Variants in KANSL3 observed in about 807,000 individuals in gnomAD.
The protein encoded by KANSL3 is KAT8 regulatory NSL complex subunit 3, also known as NSL complex protein NSL3.
In KANSL3, 16 loss-of-function variants were observed where a neutral mutation model predicts 89.2. That is an observed-to-expected ratio of 0.18 (90% CI 0.12 to 0.27). The LOEUF (loss-of-function observed/expected upper bound fraction) is 0.27, where lower values mean the gene tolerates loss of function less well. Ranked by LOEUF, KANSL3 falls within the 10% of genes least tolerant of loss-of-function variation. The pLI, the probability that KANSL3 is intolerant of heterozygous loss-of-function variation, is 1.00. For missense variants in KANSL3, 879 were observed against 1,110.6 expected (o/e 0.79, Z 2.96); for synonymous variants, 385 against 419.7 (o/e 0.92, Z 1.01).
intron 3 of KANSL3, among the ~76,000 whole-genome samples, chr2:96,623,685 C>T (rs113451578): frequency 0.086 from 13,029 of 152,154 alleles, 891 homozygotes; most frequent in Non-Finnish European, 0.12. Flanking sequence ...GGGTTCTATC[C>T]CACCCTCTAA....
At chr2:96,629,679 C>A (rs746403891) in intron 3 of KANSL3, among the ~76,000 whole-genome samples, 11 of 152,296 alleles carry the variant, frequency 7.2e-5, no homozygotes, top group Non-Finnish European at 1.3e-4. Context: ...GCTTTTTCAA[C>A]CAAGGTGCAG....
chr2:96,590,403 C>T (rs1284040042), downstream of KANSL3, among the ~76,000 whole-genome samples: 1 of 151,956 alleles, frequency 6.6e-6, no homozygotes, highest in Non-Finnish European at 1.5e-5. Flanking sequence ...AGCAATCCTT[C>T]CATTTCAGCT....
intron 9 of KANSL3, among the ~76,000 whole-genome samples, chr2:96,611,710 C>T (rs916313442): frequency 1.2e-4 from 19 of 152,020 alleles, no homozygotes; most frequent in African/African-American, 3.4e-4. Context: ...GACAGACATA[C>T]AAATATATGT....
At chr2:96,596,332 G>A (rs1483471475) in intron 20 of KANSL3, among the ~76,000 whole-genome samples, 1 of 152,190 alleles carries the variant, frequency 6.6e-6, no homozygotes, top group African/African-American at 2.4e-5. Context: ...CCAGGCAGGA[G>A]GACTGCTTGA....
intron 3 of KANSL3, among the ~76,000 whole-genome samples, chr2:96,624,564 C>CA (rs1046088667): frequency 2.6e-5 from 4 of 152,152 alleles, no homozygotes; most frequent in African/African-American, 9.7e-5. Flanking sequence ...CTCTGTCGTC[C>CA]AGGCTGGAGC....
intron 3 of KANSL3, among the ~76,000 whole-genome samples, chr2:96,620,734 G>C (rs904308225): frequency 6.6e-6 from 1 of 152,180 alleles, no homozygotes; most frequent in Non-Finnish European, 1.5e-5. Flanking sequence ...CAGGCGCAGT[G>C]CTTCACGCCT....
At chr2:96,596,833 T>C (rs572447755) in intron 20 of KANSL3, among the ~76,000 whole-genome samples, 4 of 152,334 alleles carry the variant, frequency 2.6e-5, no homozygotes, top group African/African-American at 9.6e-5. Context: ...GACAAGGTCC[T>C]GGTATGGCCA....
rs916815768 is a variant in KANSL3, at chr2:96,605,206, C to T, written c.1933+114G>A. 1.1e-4 allele frequency: 96 copies of T among 911,590 alleles called. No homozygotes were observed. The Admixed American group carries it at 1.2e-3, about 11-fold the overall frequency. 56.5% of individuals were successfully genotyped at this position (911,590 alleles called of 1,614,324 possible). ...GTACAGACTCATGTCTTCTTTGCTC[C>T]GGGCATCTCTCAAAATAAAGCAAAG... is the stretch of plus-strand genomic sequence containing the variant. On this transcript the variant is annotated intron_variant, in intron 15 of 20. Coordinates refer to ENST00000431828, the MANE Select transcript of KANSL3 (RefSeq NM_001115016.3).
downstream of KANSL3, among the ~76,000 whole-genome samples, chr2:96,590,937 G>C (rs2104766912): frequency 1.3e-5 from 2 of 152,256 alleles, no homozygotes; most frequent in South Asian, 4.1e-4. Flanking sequence ...AGTGAGCTGA[G>C]ATCGTGCCAC....
chr2:96,628,097 A>T, intron 3 of KANSL3: 4 of 1,290,264 alleles, frequency 3.1e-6, no homozygotes, highest in Non-Finnish European at 4.0e-6. Context: ...GGAGAAAGAT[A>T]AGCCAAAGAC....
intron 3 of KANSL3, among the ~76,000 whole-genome samples, chr2:96,627,278 G>A (rs1281748966): frequency 6.6e-6 from 1 of 151,770 alleles, no homozygotes; most frequent in Non-Finnish European, 1.5e-5. Context: ...GCAGTGGCAC[G>A]ATCTCGGCTC....
At chr2:96,630,922 T>C (rs1473378410) in intron 3 of KANSL3, among the ~76,000 whole-genome samples, 1 of 152,252 alleles carries the variant, frequency 6.6e-6, no homozygotes, top group Non-Finnish European at 1.5e-5. Flanking sequence ...ATCCTAGTTA[T>C]AAACCATTTA....
At chr2:96,597,703 A>G (rs887477107) in intron 20 of KANSL3, among the ~76,000 whole-genome samples, 2 of 152,056 alleles carry the variant, frequency 1.3e-5, no homozygotes, top group African/African-American at 2.4e-5. Flanking sequence ...CCCAGGTTCA[A>G]GCAATACTCC....
chr2:96,616,864 T>C (rs2070237919), intron 5 of KANSL3, among the ~76,000 whole-genome samples: 1 of 152,122 alleles, frequency 6.6e-6, no homozygotes. Context: ...ATATCCGACA[T>C]GCACCCAGGA....
At position 96,637,307 on chromosome 2, in the gene KANSL3, A is replaced by T. The variant is rs1334329068; in HGVS notation, c.-50-122T>A. 2.7e-5 allele frequency: 15 copies of T among 555,638 alleles called. No homozygotes were observed. In the Admixed American group the frequency reaches 4.3e-4, roughly 16 times the overall value. 34.4% of individuals were successfully genotyped at this position (555,638 alleles called of 1,614,324 possible). ...TCCTATTGAGTATCCATTTCACGGC[A>T]GACCTCTGGTGGGGACGGTTCGTGG... On this transcript the variant is annotated intron_variant, in intron 1 of 20. Coordinates refer to ENST00000431828, the MANE Select transcript of KANSL3 (RefSeq NM_001115016.3).
intron 3 of KANSL3, among the ~76,000 whole-genome samples, chr2:96,622,812 C>A (rs747491081): frequency 8.5e-5 from 13 of 152,232 alleles, no homozygotes; most frequent in Non-Finnish European, 1.6e-4. Flanking sequence ...AACAGGCATG[C>A]TCCTGCATCA....
rs1449382448 is a variant in KANSL3 at position 96,636,930 on chromosome 2, T to C, written c.206A>G (p.Glu69Gly). The C allele has an allele frequency of 2.0e-6, 3 of 1,529,142 alleles. No individual in the cohort carries two copies. Among genetic ancestry groups the C allele is most frequent in the African/African-American group, 1.4e-5 (1 of 72,814 alleles). The allele number at this position is 1,529,142 out of a possible 1,614,324, so 94.7% of individuals were successfully genotyped here. ...AGAAGCCCCAACTCACATGGTACTT[T>C]CGTGCTGCCGCCGGGGAGTGACAAA... ...MLFVTPRRQHESTIESDVPID... is the reference protein window; with the variant it reads ...MLFVTPRRQHGSTIESDVPID... The change falls in exon 2 of 21, where the codon GAA (glutamate) becomes GGA (glycine). Residue 69 changes from glutamate (E) to glycine (G), a missense_variant. By Grantham distance (98) the Glu-to-Gly change is moderately conservative. Transcript: ENST00000431828.
rs1010290307 is a variant in KANSL3, at chr2:96,622,538, C to T, written c.387-2776G>A. 1.2e-4 allele frequency among the ~76,000 whole-genome samples: 19 copies of T among 152,286 alleles called. 1 individual carries two copies. The highest frequency in any genetic ancestry group is 1.2e-3 in the Admixed American group (18 of 15,298). ...GGTACAAAAGAACTCTCTCTGTATT[C>T]TGTTGATGGAAATATAAATTAGTAC... is the stretch of plus-strand genomic sequence containing the variant. On this transcript the variant is annotated intron_variant, in intron 3 of 20. Transcript: ENST00000431828.
chr2:96,601,522 T>A, intron 20 of KANSL3, 121 bp downstream of exon 20: 1 of 1,423,860 alleles, frequency 7.0e-7, no homozygotes, highest in Non-Finnish European at 9.2e-7. Flanking sequence ...AATACAGATT[T>A]GAATTTGAAT....
Sources: allele counts gnomAD v4.1 joint callset (sites outside exome capture counted in the v4.1 genomes callset), GRCh38; gene constraint gnomAD v4.1.1; transcripts MANE v1.5; gene names NCBI Gene and HGNC (gene_info 2026-07-23, HGNC 2026-07-21).